Variants in CHRM3 observed in about 807,000 individuals in gnomAD.
CHRM3 encodes muscarinic acetylcholine receptor M3.
Under a neutral mutation model 41.8 loss-of-function variants are expected in CHRM3, and 11 were observed. That is an observed-to-expected ratio of 0.26 (90% confidence interval 0.17 to 0.44). The LOEUF (loss-of-function observed/expected upper bound fraction) is 0.44, where lower values mean the gene tolerates loss of function less well. CHRM3 is among the 20% of genes least tolerant of loss of function. The pLI is 1.00. For missense variants in CHRM3, 571 were observed against 745.4 expected (o/e 0.77, Z 2.72); for synonymous variants, 297 against 301.4 (o/e 0.99, Z 0.15).
chr1:239,553,489 T>G (rs1660061532), intron 3 of CHRM3, among the ~76,000 whole-genome samples: 1 of 152,066 alleles, frequency 6.6e-6, no homozygotes, highest in African/African-American at 2.4e-5. Context: ...GATTGAAAAT[T>G]TTGTTCATAA....
At chr1:239,443,729 A>G (rs1263481151) in intron 1 of CHRM3, among the ~76,000 whole-genome samples, 1 of 152,212 alleles carries the variant, frequency 6.6e-6, no homozygotes, top group Non-Finnish European at 1.5e-5. Flanking sequence ...AACGCTTAGG[A>G]GAAGAAAATC....
chr1:239,729,574 A>G (rs1278049169), intron 5 of CHRM3, among the ~76,000 whole-genome samples: 1 of 151,962 alleles, frequency 6.6e-6, no homozygotes, highest in Non-Finnish European at 1.5e-5. Context: ...GAACTGTGGA[A>G]AAATTGTGCC....
At chr1:239,567,168 A>T (rs758165745) in intron 3 of CHRM3, among the ~76,000 whole-genome samples, 1 of 152,112 alleles carries the variant, frequency 6.6e-6, no homozygotes, top group Non-Finnish European at 1.5e-5. Flanking sequence ...CTATTAACCT[A>T]TCTAGAACCT....
At chr1:239,895,566 C>T (rs1678927016) in intron 6 of CHRM3, among the ~76,000 whole-genome samples, 1 of 151,012 alleles carries the variant, frequency 6.6e-6, no homozygotes, top group East Asian at 1.9e-4. Context: ...AATCAATCAA[C>T]CTAAATGCCC....
At chr1:239,476,792 T>C (rs967640454) in intron 1 of CHRM3, among the ~76,000 whole-genome samples, 2 of 152,216 alleles carry the variant, frequency 1.3e-5, no homozygotes, top group Non-Finnish European at 2.9e-5. Context: ...GCTCAATGTT[T>C]TCTTCAACCT....
chr1:239,514,222 G>A (rs1669110713), intron 2 of CHRM3, among the ~76,000 whole-genome samples: 1 of 152,112 alleles, frequency 6.6e-6, no homozygotes, highest in African/African-American at 2.4e-5. Flanking sequence ...ACCAAGTTGA[G>A]AAGAACTGAC....
intron 1 of CHRM3, among the ~76,000 whole-genome samples, chr1:239,436,838 C>T (rs1243299275): frequency 1.3e-5 from 2 of 151,984 alleles, no homozygotes; most frequent in Non-Finnish European, 2.9e-5. Flanking sequence ...TCCCTAAAAA[C>T]CTGATTTAAC....
intron 5 of CHRM3, among the ~76,000 whole-genome samples, chr1:239,700,688 G>A (rs977789324): frequency 3.3e-5 from 5 of 152,090 alleles, no homozygotes; most frequent in South Asian, 2.1e-4. Context: ...CCGCAGACTC[G>A]TTTTTGGTCC....
rs534837263 is a variant in CHRM3, at chr1:239,585,687, A to G, written c.-313+39938A>G. 2.0e-5 allele frequency among the ~76,000 whole-genome samples: 3 copies of G among 152,308 alleles called. No homozygotes were observed. The East Asian group carries it at 5.8e-4, about 29-fold the overall frequency. ...CTCCTTCTCAGACTGAATATTGTAA[A>G]AGTCAATGGACATTTGTATTTCAAT... On this transcript the variant is annotated intron_variant, in intron 3 of 6. Coordinates refer to ENST00000676153, the MANE Select transcript of CHRM3 (RefSeq NM_001375978.1).
At chr1:239,465,215 A>G (rs1665635961) in intron 1 of CHRM3, among the ~76,000 whole-genome samples, 1 of 152,162 alleles carries the variant, frequency 6.6e-6, no homozygotes. Context: ...TCCATCTCTC[A>G]GTTCACAGAG....
chr1:239,861,256 A>T (rs1675614846), intron 6 of CHRM3, among the ~76,000 whole-genome samples: 1 of 152,132 alleles, frequency 6.6e-6, no homozygotes, highest in Non-Finnish European at 1.5e-5. Flanking sequence ...AATTTGAGAA[A>T]CTTCTGTGAA....
intron 5 of CHRM3, among the ~76,000 whole-genome samples, chr1:239,753,485 A>G (rs1278593597): frequency 6.6e-6 from 1 of 152,074 alleles, no homozygotes; most frequent in East Asian, 1.9e-4. Flanking sequence ...AGAAAGAGAG[A>G]GTGATAAGGG....
intron 5 of CHRM3, among the ~76,000 whole-genome samples, chr1:239,785,936 C>G (rs1169535226): frequency 6.6e-6 from 1 of 151,958 alleles, no homozygotes; most frequent in Non-Finnish European, 1.5e-5. Flanking sequence ...AAATTCTGTC[C>G]TCTGTGTGTG....
At chr1:239,894,490 T>C (rs929313548) in intron 6 of CHRM3, among the ~76,000 whole-genome samples, 1 of 152,186 alleles carries the variant, frequency 6.6e-6, no homozygotes, top group African/African-American at 2.4e-5. Context: ...TGGAGTGCAG[T>C]AGCACGATCT....
intron 1 of CHRM3, among the ~76,000 whole-genome samples, chr1:239,405,055 G>A (rs1660487900): frequency 6.6e-6 from 1 of 151,940 alleles, no homozygotes; most frequent in Non-Finnish European, 1.5e-5. Context: ...TCTAAAAAAT[G>A]GACAGAGTTG....
At chr1:239,602,089 C>CGT (rs1553337591) in intron 3 of CHRM3, among the ~76,000 whole-genome samples, 157 of 13,056 alleles carry the variant, frequency 0.012, no homozygotes, top group Admixed American at 0.032. Flanking sequence ...TACATATATA[C>CGT]ATGTGTGTGT....
chr1:239,813,273 G>A (rs537569195), intron 5 of CHRM3, among the ~76,000 whole-genome samples: 12 of 152,140 alleles, frequency 7.9e-5, no homozygotes, highest in South Asian at 2.1e-4. Flanking sequence ...GTGAGACTCC[G>A]TCTCAAAAAA....
intron 6 of CHRM3, among the ~76,000 whole-genome samples, chr1:239,893,558 C>A (rs556402352): frequency 6.6e-6 from 1 of 152,168 alleles, no homozygotes; most frequent in South Asian, 2.1e-4. Context: ...TAACAGTCCC[C>A]ACCTCGTATG....
Position 239,531,818 on chromosome 1 carries a change from C to G in CHRM3, c.-421-13823C>G, listed in dbSNP as rs1401681177. Reference sequence around the variant, plus strand: ...GGGACCACAGGCACCCGCCACCACACCCGGCTAATTTTTTGTATTTTTAAT... The same window carrying G: ...GGGACCACAGGCACCCGCCACCACAGCCGGCTAATTTTTTGTATTTTTAAT... On this transcript the variant is annotated intron_variant, in intron 2 of 6. Transcript: ENST00000676153. Among the ~76,000 whole-genome samples, 5 of 150,254 alleles carry G rather than the reference C, an allele frequency of 3.3e-5. No homozygotes were observed. In the East Asian group the frequency reaches 9.9e-4, roughly 30 times the overall value.
Sources: allele counts gnomAD v4.1 joint callset (sites outside exome capture counted in the v4.1 genomes callset), GRCh38; gene constraint gnomAD v4.1.1; transcripts MANE v1.5; gene names NCBI Gene and HGNC (gene_info 2026-07-23, HGNC 2026-07-21).